GAS7: variants seen among roughly 807,000 people sequenced by gnomAD.
GAS7 encodes growth arrest specific 7.
In GAS7, 28 loss-of-function variants were observed where a neutral mutation model predicts 71.1. The ratio of observed to expected loss-of-function variants is 0.39; its 90% confidence interval spans 0.29 to 0.54. GAS7 has a LOEUF of 0.54. Among genes scored for constraint, GAS7 ranks in the 20% least tolerant of loss-of-function variants. The pLI, the probability that GAS7 is intolerant of heterozygous loss-of-function variation, is 0.62. For missense variants in GAS7, 436 were observed against 627.8 expected (o/e 0.69, Z 3.27); for synonymous variants, 258 against 245.8 (o/e 1.05, Z -0.46).
intron 2 of GAS7, among the ~76,000 whole-genome samples, chr17:10,010,560 C>T (rs1276482540): frequency 6.6e-6 from 1 of 152,166 alleles, no homozygotes; most frequent in African/African-American, 2.4e-5. Context: ...TACAGATACC[C>T]TCAACTTATG....
At position 10,066,427 on chromosome 17, in the gene GAS7, G is replaced by A. The variant is rs951108203; in HGVS notation, c.184-46530C>T. Among the ~76,000 whole-genome samples the A allele has an allele frequency of 5.9e-5, 9 of 152,148 alleles. No homozygotes were observed. In the East Asian group the frequency reaches 1.5e-3, roughly 26 times the overall value. ...ACTCCCGACCTCAGGTGATCCGCCC[G>A]CCTCGGCCTTTCAAAGAGCTGGGAT... On this transcript the variant is annotated intron_variant, in intron 1 of 13. Transcript: ENST00000432992.
intron 1 of GAS7, among the ~76,000 whole-genome samples, chr17:10,188,661 CAG>C (rs934961556): frequency 6.6e-6 from 1 of 152,014 alleles, no homozygotes; most frequent in African/African-American, 2.4e-5. Context: ...TTTTAAGAGA[CAG>C]AGTCTCACGC....
At chr17:9,970,140 G>A (rs1026142622) in intron 3 of GAS7, among the ~76,000 whole-genome samples, 1 of 152,058 alleles carries the variant, frequency 6.6e-6, no homozygotes, top group South Asian at 2.1e-4. Flanking sequence ...TCGGGGCGGG[G>A]GGCTCTCCAC....
intron 1 of GAS7, among the ~76,000 whole-genome samples, chr17:10,125,043 A>G (rs2073933792): frequency 6.7e-6 from 1 of 148,362 alleles, no homozygotes; most frequent in Admixed American, 6.8e-5. Flanking sequence ...AGGAATGGTT[A>G]TCTTCAGTAA....
chr17:9,931,551 G>T (rs558143712), intron 9 of GAS7, among the ~76,000 whole-genome samples: 42 of 152,358 alleles, frequency 2.8e-4, no homozygotes, highest in African/African-American at 1.0e-3. Context: ...GCTGCTGGGG[G>T]CCCCGACAGG....
intron 1 of GAS7, among the ~76,000 whole-genome samples, chr17:10,049,777 C>T (rs867664870): frequency 4.6e-5 from 7 of 151,818 alleles, no homozygotes; most frequent in South Asian, 2.1e-4. Flanking sequence ...CCTGCCACCA[C>T]GCCCAGCTAA....
At chr17:10,071,939 GAA>G in intron 1 of GAS7, among the ~76,000 whole-genome samples, 1 of 121,258 alleles carries the variant, frequency 8.2e-6, no homozygotes, top group African/African-American at 3.0e-5. Context: ...TCCATCTCAA[GAA>G]AAAAAAAAAA....
intron 1 of GAS7, among the ~76,000 whole-genome samples, chr17:10,092,378 A>G (rs1410769762): frequency 6.6e-6 from 1 of 152,252 alleles, no homozygotes; most frequent in Non-Finnish European, 1.5e-5. Context: ...TTTCCCCAGC[A>G]GAATCTAAAC....
At chr17:10,198,603 CGACGCCCCCGG>C in exon 1 of GAS7, 1 of 345,054 alleles carries the variant, frequency 2.9e-6, no homozygotes, top group Non-Finnish European at 5.2e-6. Flanking sequence ...GAGCGAGCGG[CGACGCCCCCGG>C]GCCGGGCAGC....
chr17:10,041,133 G>A (rs1056008052), intron 1 of GAS7, among the ~76,000 whole-genome samples: 8 of 147,780 alleles, frequency 5.4e-5, no homozygotes, highest in Middle Eastern at 3.5e-3. Context: ...CTGCACTCCG[G>A]CCTGAGTGAC....
intron 1 of GAS7, among the ~76,000 whole-genome samples, chr17:10,106,333 C>A (rs1237221923): frequency 1.3e-5 from 2 of 152,200 alleles, no homozygotes. Flanking sequence ...TCTTCTCCAG[C>A]ACCTGTCTGC....
intron 1 of GAS7, among the ~76,000 whole-genome samples, chr17:10,083,509 G>A (rs138497058): frequency 9.3e-4 from 142 of 152,356 alleles, no homozygotes; most frequent in African/African-American, 3.1e-3. Flanking sequence ...GCTATCTGCC[G>A]CAGGAGGTGC....
chr17:10,106,066 A>T (rs1415929593), intron 1 of GAS7, among the ~76,000 whole-genome samples: 1 of 152,118 alleles, frequency 6.6e-6, no homozygotes, highest in Non-Finnish European at 1.5e-5. Context: ...CCCTCCAGTC[A>T]ACCCTGCAAA....
chr17:10,031,286 C>A (rs939591490), intron 1 of GAS7, among the ~76,000 whole-genome samples: 2 of 152,132 alleles, frequency 1.3e-5, no homozygotes, highest in Admixed American at 6.5e-5. Context: ...ATTTTCTGAC[C>A]CTGTAAAGAA....
chr17:10,047,510 A>T (rs964792372), intron 1 of GAS7, among the ~76,000 whole-genome samples: 1 of 152,230 alleles, frequency 6.6e-6, no homozygotes, highest in African/African-American at 2.4e-5. Flanking sequence ...CCGTGTCAAG[A>T]ATGCATAAAG....
chr17:9,919,463 A>G lies in GAS7; in HGVS notation c.1218+163T>C, dbSNP rs988348490. 3.9e-5 allele frequency among the ~76,000 whole-genome samples: 6 copies of G among 152,106 alleles called. No homozygotes were observed. The highest frequency in any genetic ancestry group is 1.2e-4 in the African/African-American group (5 of 41,414). ...CGCTGGAGCAGAGATCTGAATCCAC[A>G]TAAGCTGGCTCACATTGAGGTTTCG... is the stretch of plus-strand genomic sequence containing the variant. On this transcript the variant is annotated intron_variant, in intron 12 of 13. Transcript: ENST00000432992. The surrounding 1 kb of genome is among the most constrained non-coding windows in gnomAD (Gnocchi z 5.0).
chr17:9,920,930 T>C (rs1272354993), intron 11 of GAS7, among the ~76,000 whole-genome samples: 1 of 152,084 alleles, frequency 6.6e-6, no homozygotes, highest in African/African-American at 2.4e-5. Context: ...GATAGGAAAG[T>C]CAAAGAGAAC....
In GAS7 at chr17:10,026,038, TCCGCTCCCTA is replaced by T. The variant is rs2072452197; in HGVS notation, c.184-6151_184-6142del. ...CTCCAGGCAGTACAGACCCTGCTAC[TCCGCTCCCTA>T]CCGCTCCCACCATGCTTCAAGCTCA... On this transcript the variant is annotated intron_variant, in intron 1 of 13. Transcript: ENST00000432992. This position sits in a 1 kb window ranked among gnomAD's most constrained non-coding sequence, Gnocchi z 4.5. 1 of 306,606 alleles carries T rather than the reference TCCGCTCCCTA, an allele frequency of 3.3e-6. No homozygotes were observed. The highest frequency in any genetic ancestry group is 4.8e-6 in the Non-Finnish European group (1 of 209,452). The allele number at this position is 306,606 out of a possible 1,614,324, so 19.0% of individuals were successfully genotyped here.
rs2074019233 is a variant in GAS7, at chr17:10,134,038, T to C, written c.183+64170A>G. Among the ~76,000 whole-genome samples the C allele has an allele frequency of 7.6e-5, 3 of 39,474 alleles. No individual in the cohort carries two copies. The South Asian group carries it at 4.6e-3, about 61-fold the overall frequency. 25.9% of individuals were successfully genotyped at this position (39,474 alleles called of 152,430 possible). A position where few individuals can be genotyped will look rare whatever the true frequency, so the allele number is the denominator to read the frequency against. On this transcript the variant is annotated intron_variant, in intron 1 of 13. Coordinates refer to ENST00000432992, the MANE Select transcript of GAS7 (RefSeq NM_201433.2). Reference sequence around the variant, plus strand: ...GACCTGTACCACATTTTCTTTTTTCTTTTTTTTTTGAGATGGGAGTCTCGC... The same window carrying C: ...GACCTGTACCACATTTTCTTTTTTCCTTTTTTTTTGAGATGGGAGTCTCGC...
Sources: gnomAD v4.1 joint callset for allele counts (sites outside exome capture counted in the v4.1 genomes callset) on GRCh38, gnomAD v4.1.1 for gene constraint, Gnocchi (gnomAD v3.1) non-coding constraint, MANE v1.5 for transcripts, NCBI Gene and HGNC (gene_info 2026-07-23, HGNC 2026-07-21) for gene names.